Variants in ZNF98 observed in about 807,000 individuals in gnomAD.
ZNF98 encodes zinc finger protein 739.
Under a neutral mutation model 12.8 loss-of-function variants are expected in ZNF98, and 8 were observed. The ratio of observed to expected loss-of-function variants is 0.63; its 90% CI spans 0.37 to 1.13. The LOEUF is 1.13. Among genes scored for constraint, ZNF98 ranks in the 50% most tolerant of loss-of-function variants. ZNF98 has a pLI of 0.01. For missense variants in ZNF98, 379 were observed against 666.1 expected, an observed-to-expected ratio of 0.57 and a Z score of 4.74; for synonymous variants, 112 against 223.5, an observed-to-expected ratio of 0.50 and a Z score of 4.45.
At chr19:22,394,482 TATACTACAGA>T in intron 3 of ZNF98, among the ~76,000 whole-genome samples, 1 of 152,288 alleles carries the variant, frequency 6.6e-6, no homozygotes, top group Non-Finnish European at 1.5e-5. Flanking sequence ...GTGGCACGTA[TATACTACAGA>T]ATACTATGTA....
intron 1 of ZNF98, among the ~76,000 whole-genome samples, chr19:22,411,989 A>T (rs1320068306): frequency 6.6e-6 from 1 of 152,186 alleles, no homozygotes; most frequent in Non-Finnish European, 1.5e-5. Flanking sequence ...AGACTACAAC[A>T]CCCATGGGCA....
In ZNF98 at chr19:22,407,796, C is replaced by T. The variant is rs117317048; in HGVS notation, c.31-4284G>A. Reference sequence around the variant, plus strand: ...ATCAAAAAACATCCACCAGGTCGGGCGCGGTAGCTCACGCCTGTAATCCGC... The same window carrying T: ...ATCAAAAAACATCCACCAGGTCGGGTGCGGTAGCTCACGCCTGTAATCCGC... On this transcript the variant is annotated intron_variant, in intron 1 of 3. Coordinates refer to ENST00000357774, the MANE Select transcript of ZNF98 (RefSeq NM_001098626.2). 5.4e-3 allele frequency among the ~76,000 whole-genome samples: 825 copies of T among 151,782 alleles called. 6 individuals are homozygous for T. Among genetic ancestry groups the T allele is most frequent in the Non-Finnish European group, 8.4e-3 (568 of 67,980 alleles).
chr19:22,393,432 T>G (rs1969355310), intron 3 of ZNF98, among the ~76,000 whole-genome samples: 1 of 152,082 alleles, frequency 6.6e-6, no homozygotes, highest in South Asian at 2.1e-4. Flanking sequence ...AGTGGTATTC[T>G]TTCAAATGAC....
At chr19:22,411,238 T>C (rs986472342) in intron 1 of ZNF98, among the ~76,000 whole-genome samples, 1 of 152,088 alleles carries the variant, frequency 6.6e-6, no homozygotes, top group African/African-American at 2.4e-5. Flanking sequence ...GATCTCACCA[T>C]GTTGGTCAGG....
intron 1 of ZNF98, among the ~76,000 whole-genome samples, chr19:22,416,824 T>TACACAC (rs35593482): frequency 2.7e-5 from 4 of 150,448 alleles, no homozygotes; most frequent in African/African-American, 9.7e-5. Flanking sequence ...CACACACACA[T>TACACAC]ACACACACAC....
chr19:22,411,267 C>T (rs1969577656), intron 1 of ZNF98, among the ~76,000 whole-genome samples: 1 of 152,102 alleles, frequency 6.6e-6, no homozygotes, highest in Admixed American at 6.6e-5. Flanking sequence ...AAACTCCTGA[C>T]CTCAAATGAT....
chr19:22,413,939 T>C (rs1213368158), intron 1 of ZNF98, among the ~76,000 whole-genome samples: 3 of 137,760 alleles, frequency 2.2e-5, no homozygotes, highest in African/African-American at 8.2e-5. Context: ...TGCTCATGGA[T>C]AGAAAAGATC....
chr19:22,399,529 C>A lies in ZNF98; in HGVS notation c.253+3260G>T, dbSNP rs72481612. On this transcript the variant is annotated intron_variant, in intron 3 of 3. Transcript: ENST00000357774. ...GATATATAAAACAAATATTTGGGAACAAATTATGTCATATTTTAGGTACTA... is the reference window on the plus strand; with the variant it reads ...GATATATAAAACAAATATTTGGGAAAAAATTATGTCATATTTTAGGTACTA... 6.2e-4 allele frequency among the ~76,000 whole-genome samples: 95 copies of A among 152,178 alleles called. 1 individual carries two copies. In the East Asian group the frequency reaches 0.011, roughly 17 times the overall value.
intron 1 of ZNF98, among the ~76,000 whole-genome samples, chr19:22,421,916 T>C (rs1162271704): frequency 6.6e-6 from 1 of 152,136 alleles, no homozygotes; most frequent in Non-Finnish European, 1.5e-5. Context: ...CTGCACAATC[T>C]GGGAGAGACG....
chr19:22,401,111 A>G (rs1208767490), intron 3 of ZNF98, among the ~76,000 whole-genome samples: 3 of 151,676 alleles, frequency 2.0e-5, no homozygotes, highest in Non-Finnish European at 2.9e-5. Context: ...AGTAAAAAAA[A>G]AAAAAAAAAA....
intron 3 of ZNF98, among the ~76,000 whole-genome samples, chr19:22,394,520 G>A (rs1341962953): frequency 1.3e-5 from 2 of 152,140 alleles, no homozygotes; most frequent in Non-Finnish European, 2.9e-5. Flanking sequence ...AAAAGGATGA[G>A]TTCATGTCCT....
At chr19:22,396,769 T>C (rs1417654009) in intron 3 of ZNF98, among the ~76,000 whole-genome samples, 2 of 152,210 alleles carry the variant, frequency 1.3e-5, no homozygotes, top group East Asian at 1.9e-4. Flanking sequence ...AAAACTGTCA[T>C]GTTTTACAAA....
At chr19:22,422,047 G>C in intron 1 of ZNF98, 148 bp downstream of exon 1, 1 of 1,001,310 alleles carries the variant, frequency 1.0e-6, no homozygotes, top group Non-Finnish European at 1.6e-6. Flanking sequence ...TATCGCTGAA[G>C]GGGACTGAGG....
At chr19:22,416,081 T>C (rs1969639480) in intron 1 of ZNF98, among the ~76,000 whole-genome samples, 2 of 148,548 alleles carry the variant, frequency 1.3e-5, no homozygotes, top group Admixed American at 1.3e-4. Flanking sequence ...GAGGCAGAAG[T>C]TGCAGTGAGC....
intron 3 of ZNF98, among the ~76,000 whole-genome samples, chr19:22,394,682 G>A (rs926496493): frequency 2.7e-5 from 4 of 149,482 alleles, no homozygotes; most frequent in African/African-American, 9.9e-5. Context: ...AACGGGGCCT[G>A]TTGGGGTGTG....
chr19:22,397,218 G>GTGTA (rs1490300156), intron 3 of ZNF98, among the ~76,000 whole-genome samples: 2 of 150,906 alleles, frequency 1.3e-5, no homozygotes, highest in East Asian at 3.9e-4. Context: ...GTTTTTGTGT[G>GTGTA]TGTGTGTGTG....
At position 22,402,175 on chromosome 19, in the gene ZNF98, CAAAAAAA is replaced by C. The variant is rs869111485; in HGVS notation, c.253+607_253+613del. Among the ~76,000 whole-genome samples the C allele has an allele frequency of 2.8e-4, 17 of 60,508 alleles. No individual in the cohort carries two copies. In the East Asian group the frequency reaches 8.8e-3, roughly 31 times the overall value. The allele number at this position is 60,508 out of a possible 152,430, so 39.7% of individuals were successfully genotyped here. Reference sequence around the variant, plus strand: ...TGGGTGACAGAGCAAGACTCCATCTCAAAAAAAAAAAAAAAAAAAAGAAAGAGAAAAA... The same window carrying C: ...TGGGTGACAGAGCAAGACTCCATCTCAAAAAAAAAAAAAGAAAGAGAAAAA... On this transcript the variant is annotated intron_variant, in intron 3 of 3. Coordinates refer to ENST00000357774, the MANE Select transcript of ZNF98 (RefSeq NM_001098626.2).
At chr19:22,394,560 A>C (rs1969368395) in intron 3 of ZNF98, among the ~76,000 whole-genome samples, 1 of 152,132 alleles carries the variant, frequency 6.6e-6, no homozygotes, top group African/African-American at 2.4e-5. Flanking sequence ...GCTGGAAACC[A>C]TCATTCTGAG....
chr19:22,421,894 C>T (rs1969708176), intron 1 of ZNF98, among the ~76,000 whole-genome samples: 1 of 152,186 alleles, frequency 6.6e-6, no homozygotes, highest in Non-Finnish European at 1.5e-5. Flanking sequence ...GCCGACGACC[C>T]TCTCGTGGTC....
Sources: gnomAD v4.1 joint callset for allele counts (sites outside exome capture counted in the v4.1 genomes callset) on GRCh38, gnomAD v4.1.1 for gene constraint, MANE v1.5 for transcripts, NCBI Gene and HGNC (gene_info 2026-07-23, HGNC 2026-07-21) for gene names.